ARAP1: variants seen among roughly 807,000 people sequenced by gnomAD.
ARAP1 encodes arf-GAP with Rho-GAP domain, ANK repeat and PH domain-containing protein 1.
A neutral mutation model predicts 172.2 loss-of-function variants in ARAP1; 76 were observed. The ratio of observed to expected loss-of-function variants is 0.44; its 90% CI spans 0.37 to 0.53. ARAP1 has a LOEUF of 0.53. Among genes scored for constraint, ARAP1 ranks in the 20% least tolerant of loss-of-function variants. The pLI, the probability that ARAP1 is intolerant of heterozygous loss-of-function variation, is 0.00. For missense variants in ARAP1, 1,686 were observed against 1,977.5 expected, an observed-to-expected ratio of 0.85 and a Z score of 2.80; for synonymous variants, 804 against 803.3, an observed-to-expected ratio of 1.00 and a Z score of -0.01.
At chr11:72,700,774 C>T (rs959679596) in intron 16 of ARAP1, among the ~76,000 whole-genome samples, 2 of 152,346 alleles carry the variant, frequency 1.3e-5, no homozygotes, top group South Asian at 2.1e-4. Context: ...GAGGCCAAGG[C>T]GGGCAGATCA....
chr11:72,716,435 C>G (rs761729054), intron 3 of ARAP1, among the ~76,000 whole-genome samples: 1 of 152,268 alleles, frequency 6.6e-6, no homozygotes, highest in Non-Finnish European at 1.5e-5. Flanking sequence ...AACCTGCAAA[C>G]GGTGGCGTGT....
chr11:72,708,991 C>T (rs1370141245), intron 11 of ARAP1, among the ~76,000 whole-genome samples: 2 of 148,106 alleles, frequency 1.4e-5, no homozygotes, highest in Admixed American at 6.8e-5. Context: ...GAGCCGAGAT[C>T]GTGCCACTGC....
rs541875864 is a variant in ARAP1, at chr11:72,704,037, T to G, written c.1992+115A>C. On this transcript the variant is annotated intron_variant, in intron 14 of 34. Transcript: ENST00000393609. ...TGCCCTCCAAACATCAGTTTCCCCATATGCCAAGACATCTCCCTGAGCTGG... is the reference window on the plus strand; with the variant it reads ...TGCCCTCCAAACATCAGTTTCCCCAGATGCCAAGACATCTCCCTGAGCTGG... The G allele has an allele frequency of 1.1e-5, 15 of 1,382,910 alleles. No homozygotes were observed. In the African/African-American group the frequency reaches 2.2e-4, roughly 20 times the overall value. 85.7% of individuals were successfully genotyped at this position (1,382,910 alleles called of 1,614,324 possible).
At position 72,710,534 on chromosome 11, in the gene ARAP1, C is replaced by T; in HGVS notation, c.1267G>A (p.Ala423Thr). 6 of 1,612,962 alleles carry T rather than the reference C, an allele frequency of 3.7e-6. No individual in the cohort carries two copies. The highest frequency in any genetic ancestry group is 5.1e-6 in the Non-Finnish European group (6 of 1,179,972). Reference protein sequence around the residue: ...ALQQAMAEQRARARLSSAYLL... With the variant: ...ALQQAMAEQRTRARLSSAYLL... Reference sequence around the variant, plus strand: ...TAAGCGCTAGAGAGCCGGGCCCGGGCACGCTGCTCAGCCATGGCCTGCTGC... The same window carrying T: ...TAAGCGCTAGAGAGCCGGGCCCGGGTACGCTGCTCAGCCATGGCCTGCTGC... The change falls in exon 10 of 35, where the codon GCC becomes ACC. Residue 423 changes from alanine (A) to threonine (T), a missense_variant. Transcript: ENST00000393609. The surrounding 1 kb of genome is among the most constrained non-coding windows in gnomAD (Gnocchi z 4.3).
At chr11:72,743,309 A>AATATGTGGC (rs1311228422) in intron 1 of ARAP1, among the ~76,000 whole-genome samples, 1 of 152,210 alleles carries the variant, frequency 6.6e-6, no homozygotes, top group Non-Finnish European at 1.5e-5. Flanking sequence ...GCAGGCACTC[A>AATATGTGGC]ATATGTGGCA....
intron 33 of ARAP1, chr11:72,687,185 T>C: frequency 1.8e-6 from 1 of 545,512 alleles, no homozygotes. Context: ...TCTGAGTCTG[T>C]TTTCCTGTCC....
rs189477820 is a variant in ARAP1 at position 72,736,636 on chromosome 11, C to T, written c.-127-4039G>A. On this transcript the variant is annotated intron_variant, in intron 1 of 34. Transcript: ENST00000393609. ...TTTCCCTCCTCTCCACCCTAATGGC[C>T]CAATCAGACTTCAGCACCCCCACAC... 4.4e-3 allele frequency among the ~76,000 whole-genome samples: 667 copies of T among 152,086 alleles called. 5 individuals carry two copies. The highest frequency in any genetic ancestry group is 0.016 in the African/African-American group (645 of 41,456).
Position 72,695,386 on chromosome 11 carries a change from C to A in ARAP1, c.3576+1G>T. On this transcript the variant is annotated splice_donor_variant, in intron 26 of 34. Coordinates refer to ENST00000393609, the MANE Select transcript of ARAP1 (RefSeq NM_001040118.3). LOFTEE classifies it high-confidence loss of function. This position sits in a 1 kb window ranked among gnomAD's most constrained non-coding sequence, Gnocchi z 4.4. ...CTTGGCTTCTAGGTCCCAGCACCTA[C>A]CTTGATATGCTGCTCAGTCTCTGCC... The A allele has an allele frequency of 3.1e-6, 5 of 1,614,202 alleles. No homozygotes were observed. Among genetic ancestry groups the A allele is most frequent in the Non-Finnish European group, 4.2e-6 (5 of 1,180,028 alleles).
chr11:72,724,396 G>A (rs754949682), intron 3 of ARAP1, among the ~76,000 whole-genome samples: 1 of 152,124 alleles, frequency 6.6e-6, no homozygotes, highest in Non-Finnish European at 1.5e-5. Flanking sequence ...GTTGCAAGCA[G>A]GGGTAGGAAG....
At chr11:72,701,517 C>T in intron 16 of ARAP1, 132 bp downstream of exon 16, 1 of 1,305,864 alleles carries the variant, frequency 7.7e-7, no homozygotes, top group African/African-American at 1.5e-5. Flanking sequence ...TACTGTGTAC[C>T]ACAGACTATA....
chr11:72,749,170 G>A (rs569784598), intron 1 of ARAP1, among the ~76,000 whole-genome samples: 1 of 152,146 alleles, frequency 6.6e-6, no homozygotes, highest in Non-Finnish European at 1.5e-5. Context: ...GTCACCACCC[G>A]GGGAAAGCAC....
At chr11:72,686,642 T>C (rs1855699184) in intron 33 of ARAP1, among the ~76,000 whole-genome samples, 1 of 152,182 alleles carries the variant, frequency 6.6e-6, no homozygotes, top group African/African-American at 2.4e-5. Context: ...CTCTGTGTCT[T>C]AATTCATCTG....
In ARAP1 at chr11:72,688,605, T is replaced by C. The variant is rs888636124; in HGVS notation, c.3988-68A>G. On this transcript the variant is annotated intron_variant, in intron 30 of 34. Transcript: ENST00000393609. ...AGGGCACTGGGGCCGCTCTCCCGAC[T>C]GGGCAGCTCCCTCTTCCAACTCCCC... 5 of 1,359,496 alleles carry C rather than the reference T, an allele frequency of 3.7e-6. No individual in the cohort carries two copies. In the Admixed American group the frequency reaches 7.8e-5, roughly 21 times the overall value. 84.2% of individuals were successfully genotyped at this position (1,359,496 alleles called of 1,614,324 possible).
intron 7 of ARAP1, among the ~76,000 whole-genome samples, 195 bp from the exon 8 acceptor site, chr11:72,711,694 CTTTTTTTTTT>C (rs58109830): frequency 8.4e-6 from 1 of 118,886 alleles, no homozygotes; most frequent in African/African-American, 3.3e-5. Flanking sequence ...TAGCACATCT[CTTTTTTTTTT>C]TTTTTTTTTG....
At chr11:72,746,697 TTTGG>T (rs1858378969) in intron 1 of ARAP1, among the ~76,000 whole-genome samples, 1 of 126,228 alleles carries the variant, frequency 7.9e-6, no homozygotes, top group African/African-American at 3.0e-5. Context: ...ACCTGCCCAA[TTTGG>T]TTGGTTTCTG....
Position 72,710,009 on chromosome 11 carries a change from G to A in ARAP1, c.1417-33C>T. 1 of 1,575,804 alleles carries A rather than the reference G, an allele frequency of 6.3e-7. No homozygotes were observed. Among genetic ancestry groups the A allele is most frequent in the Admixed American group, 1.7e-5 (1 of 59,962 alleles). ...GCAGATGGGACGGGATGAGGGCAAG[G>A]CTTTGGGGGCAGGGCGTGAGGCTTG... is the stretch of plus-strand genomic sequence containing the variant. On this transcript the variant is annotated intron_variant, in intron 10 of 34. Transcript: ENST00000393609. The surrounding 1 kb of genome is among the most constrained non-coding windows in gnomAD (Gnocchi z 4.3).
intron 1 of ARAP1, among the ~76,000 whole-genome samples, chr11:72,734,585 A>AT (rs1857956678): frequency 6.6e-6 from 1 of 152,258 alleles, no homozygotes; most frequent in South Asian, 2.1e-4. Context: ...ATATTAACTC[A>AT]TTAAAGCCTC....
At chr11:72,703,130 A>G (rs1856573910) in intron 14 of ARAP1, 51 bp from the exon 15 acceptor site, 1 of 1,475,478 alleles carries the variant, frequency 6.8e-7, no homozygotes, top group East Asian at 2.4e-5. Context: ...GGGGCCCACA[A>G]GGAAAGGGGC....
At chr11:72,709,150 G>A (rs753239114) in intron 11 of ARAP1, among the ~76,000 whole-genome samples, 4 of 152,138 alleles carry the variant, frequency 2.6e-5, no homozygotes, top group African/African-American at 9.7e-5. Context: ...GCCCACAGCT[G>A]TCAGATATGC....
Sources: allele counts gnomAD v4.1 joint callset (sites outside exome capture counted in the v4.1 genomes callset), GRCh38; gene constraint gnomAD v4.1.1; non-coding constraint Gnocchi (gnomAD v3.1); transcripts MANE v1.5; gene names NCBI Gene and HGNC (gene_info 2026-07-23, HGNC 2026-07-21).